TNNT3: variants seen among roughly 807,000 people sequenced by gnomAD.
The protein encoded by TNNT3 is troponin T3, fast skeletal type.
In TNNT3, 36 loss-of-function variants were observed where a neutral mutation model predicts 54.2. The ratio of observed to expected loss-of-function variants is 0.66; its 90% CI spans 0.51 to 0.88. The LOEUF is 0.88. TNNT3 is among the 40% of genes least tolerant of loss of function. The pLI, the probability that TNNT3 is intolerant of heterozygous loss-of-function variation, is 0.00. For missense variants in TNNT3, 291 were observed against 331.6 expected, an observed-to-expected ratio of 0.88 and a Z score of 0.95; for synonymous variants, 120 against 109.7, an observed-to-expected ratio of 1.09 and a Z score of -0.59.
intron 4 of TNNT3, among the ~76,000 whole-genome samples, chr11:1,924,460 C>G (rs1195423610): frequency 6.6e-6 from 1 of 152,226 alleles, no homozygotes; most frequent in African/African-American, 2.4e-5. Flanking sequence ...TGTGAGGAGT[C>G]CTGAGTGCTA....
chr11:1,936,097 A>C (rs1351139153), intron 14 of TNNT3: 1 of 1,144,138 alleles, frequency 8.7e-7, no homozygotes, highest in African/African-American at 1.5e-5. Context: ...ATGCGGCCAC[A>C]GCGGGCCCCC....
chr11:1,930,728 A>G (rs1853131518), intron 8 of TNNT3, among the ~76,000 whole-genome samples: 1 of 152,152 alleles, frequency 6.6e-6, no homozygotes, highest in African/African-American at 2.4e-5. Flanking sequence ...GAACATCTGA[A>G]GGGTACAGCC....
chr11:1,928,548 T>C (rs1403558480), intron 6 of TNNT3, among the ~76,000 whole-genome samples: 1 of 152,122 alleles, frequency 6.6e-6, no homozygotes, highest in Non-Finnish European at 1.5e-5. Context: ...CATTCCGGAC[T>C]CAGGCGGGGG....
At chr11:1,934,037 A>G in intron 11 of TNNT3, 29 bp downstream of exon 11, 3 of 1,602,846 alleles carry the variant, frequency 1.9e-6, no homozygotes, top group Admixed American at 1.7e-5. Flanking sequence ...CTGCTGCCTC[A>G]TCAGAGAATG....
At chr11:1,932,843 C>CCCATCCAT (rs71025793) in intron 9 of TNNT3, among the ~76,000 whole-genome samples, 95,357 of 142,240 alleles carry the variant, frequency 0.67, 32,470 homozygotes, top group East Asian at 0.74. Context: ...CACCCACCTA[C>CCCATCCAT]CCATCCATCC....
At chr11:1,923,187 T>TCACTCAGAAGCCACCCATG in intron 3 of TNNT3, 126 bp downstream of exon 3, 1 of 1,382,840 alleles carries the variant, frequency 7.2e-7, no homozygotes, top group Non-Finnish European at 1.0e-6. Context: ...ATCCCATGGG[T>TCACTCAGAAGCCACCCATG]GGCTTCTGAG....
intron 9 of TNNT3, 57 bp from the exon 10 acceptor site, chr11:1,933,664 G>A: frequency 7.1e-7 from 1 of 1,406,098 alleles, no homozygotes; most frequent in Non-Finnish European, 1.0e-6. Context: ...AGGCAGGCCA[G>A]GCAGGGCAGA....
intron 9 of TNNT3, 37 bp from the exon 10 acceptor site, chr11:1,933,684 G>A (rs1468950753): frequency 6.5e-7 from 1 of 1,542,480 alleles, no homozygotes; most frequent in Non-Finnish European, 9.0e-7. Flanking sequence ...AGGTTGGAGA[G>A]AGGGGTGGGG....
At chr11:1,925,017 C>T in intron 4 of TNNT3, 82 bp from the exon 5 acceptor site, 1 of 1,544,860 alleles carries the variant, frequency 6.5e-7, no homozygotes, top group Non-Finnish European at 8.9e-7. Flanking sequence ...TCCTTGCGGC[C>T]TGAGTACACT....
At chr11:1,922,641 G>A in intron 1 of TNNT3, 2 of 608,746 alleles carry the variant, frequency 3.3e-6, no homozygotes, top group Non-Finnish European at 5.9e-6. Context: ...AGAGGGGACA[G>A]AGTCTGGGGC....
intron 1 of TNNT3, among the ~76,000 whole-genome samples, chr11:1,921,811 A>ACTTTGTTTT (rs1483556639): frequency 1.3e-5 from 2 of 152,190 alleles, no homozygotes; most frequent in African/African-American, 4.8e-5. Flanking sequence ...GTTGTAATGA[A>ACTTTGTTTT]CTTTGTTTTC....
At chr11:1,931,518 CA>C (rs34597931) in intron 8 of TNNT3, among the ~76,000 whole-genome samples, 5,036 of 152,324 alleles carry the variant, frequency 0.033, 112 homozygotes, top group East Asian at 0.1. Flanking sequence ...TGCGCCCTAA[CA>C]GTCACTCGGG....
rs554894277 is a variant in TNNT3 at position 1,925,466 on chromosome 11, C to T, written c.67+350C>T. ...CTTGACCAGAGAGAGAATGGGGTCTCGAGGGTGGGCCCCCTTCCCCACAGC... is the reference window on the plus strand; with the variant it reads ...CTTGACCAGAGAGAGAATGGGGTCTTGAGGGTGGGCCCCCTTCCCCACAGC... On this transcript the variant is annotated intron_variant, in intron 5 of 15. Transcript: ENST00000278317. 6.4e-5 allele frequency: 43 copies of T among 667,366 alleles called. No individual in the cohort carries two copies. The East Asian group carries it at 7.6e-4, about 12-fold the overall frequency. The allele number at this position is 667,366 out of a possible 1,614,324, so 41.3% of individuals were successfully genotyped here. A position where few individuals can be genotyped will look rare whatever the true frequency, so the allele number is the denominator to read the frequency against.
At position 1,927,857 on chromosome 11, in the gene TNNT3, C is replaced by T. The variant is rs1852069769; in HGVS notation, c.82+1148C>T. The T allele has an allele frequency of 2.0e-5, 3 of 152,520 alleles. No individual in the cohort carries two copies. In the South Asian group the frequency reaches 6.2e-4, roughly 32 times the overall value. 9.4% of individuals were successfully genotyped at this position (152,520 alleles called of 1,614,324 possible). On this transcript the variant is annotated intron_variant, in intron 6 of 15. Coordinates refer to ENST00000278317, the MANE Select transcript of TNNT3 (RefSeq NM_006757.4). Reference sequence around the variant, plus strand: ...GGGAGGCCAGGGCGGGCAGCCCATTCATCGTCCTCACCGCGCTGTTCCTTC... The same window carrying T: ...GGGAGGCCAGGGCGGGCAGCCCATTTATCGTCCTCACCGCGCTGTTCCTTC...
chr11:1,928,292 G>T (rs1852211472), intron 6 of TNNT3, among the ~76,000 whole-genome samples: 1 of 152,156 alleles, frequency 6.6e-6, no homozygotes, highest in South Asian at 2.1e-4. Flanking sequence ...GGCCCCAGCT[G>T]GGCCAGGCCA....
rs367683219 is a variant in TNNT3, at chr11:1,926,561, C to T, written c.68-134C>T. 117 of 1,608,260 alleles carry T rather than the reference C, an allele frequency of 7.3e-5. No individual in the cohort carries two copies. In the African/African-American group the frequency reaches 8.6e-4, roughly 12 times the overall value. ...GGACCCAAGAAGGAACAAGAGGGGC[C>T]GCGTAACCCTGCACAGCCTGGCCTG... On this transcript the variant is annotated intron_variant, in intron 5 of 15. Transcript: ENST00000278317.
At chr11:1,936,462 C>T (rs1206069730) in intron 14 of TNNT3, among the ~76,000 whole-genome samples, 1 of 152,198 alleles carries the variant, frequency 6.6e-6, no homozygotes, top group African/African-American at 2.4e-5. Context: ...AGGGCCCCCA[C>T]CTTCCCAGGA....
rs562531282 is a variant in TNNT3, at chr11:1,920,371, A to T, written c.-19+609A>T. Among the ~76,000 whole-genome samples the T allele has an allele frequency of 5.3e-5, 8 of 152,156 alleles. No homozygotes were observed. In the East Asian group the frequency reaches 1.4e-3, roughly 26 times the overall value. ...GTCTGGAGGTGCAGGACAGAAGTGG[A>T]CAGGGGCTGGACTGGGGCAGGACGG... is the stretch of plus-strand genomic sequence containing the variant. On this transcript the variant is annotated intron_variant, in intron 1 of 15. Coordinates refer to ENST00000278317, the MANE Select transcript of TNNT3 (RefSeq NM_006757.4).
At chr11:1,937,343 T>G (rs1424887279) in intron 15 of TNNT3, among the ~76,000 whole-genome samples, 2 of 152,078 alleles carry the variant, frequency 1.3e-5, no homozygotes, top group Non-Finnish European at 2.9e-5. Context: ...GGGCCTTTGG[T>G]GTGGCCAACC....
Sources: allele counts gnomAD v4.1 joint callset (sites outside exome capture counted in the v4.1 genomes callset), GRCh38; gene constraint gnomAD v4.1.1; transcripts MANE v1.5; gene names NCBI Gene and HGNC (gene_info 2026-07-23, HGNC 2026-07-21).